RNGTT: variants seen among roughly 807,000 people sequenced by gnomAD.
RNGTT encodes mRNA-capping enzyme.
Under a neutral mutation model 79.3 loss-of-function variants are expected in RNGTT, and 33 were observed. That is an observed-to-expected ratio of 0.42 (90% CI 0.32 to 0.56). The LOEUF (loss-of-function observed/expected upper bound fraction) is 0.56, where lower values mean the gene tolerates loss of function less well. Ranked by LOEUF, RNGTT falls within the 20% of genes least tolerant of loss-of-function variation. RNGTT has a pLI of 0.17. For missense variants in RNGTT, 497 were observed against 739.1 expected (o/e 0.67, Z 3.80); for synonymous variants, 222 against 235.9 (o/e 0.94, Z 0.54).
intron 8 of RNGTT, among the ~76,000 whole-genome samples, chr6:88,863,665 C>A (rs1026374910): frequency 1.3e-5 from 2 of 152,112 alleles, no homozygotes; most frequent in African/African-American, 4.8e-5. Flanking sequence ...CAGAGTTTGG[C>A]AGGGCATGGG....
intron 8 of RNGTT, among the ~76,000 whole-genome samples, chr6:88,886,881 T>C (rs7771497): frequency 0.03 from 4,593 of 152,046 alleles, 221 homozygotes; most frequent in African/African-American, 0.1. Flanking sequence ...TATTCCCTAT[T>C]CTACAATGTT....
chr6:88,638,157 C>T (rs776646072), intron 14 of RNGTT, among the ~76,000 whole-genome samples: 33 of 152,054 alleles, frequency 2.2e-4, no homozygotes, highest in Non-Finnish European at 3.5e-4. Context: ...GCACAAGAGC[C>T]AAAACAAACT....
chr6:88,771,279 T>C (rs1778650274), intron 12 of RNGTT, among the ~76,000 whole-genome samples: 2 of 141,044 alleles, frequency 1.4e-5, no homozygotes, highest in African/African-American at 5.2e-5. Context: ...TTCTATGGTA[T>C]GAAGCACAGG....
At position 88,619,340 on chromosome 6, in the gene RNGTT, A is replaced by AT. The variant is rs575882947; in HGVS notation, c.1507-4946dup. 9.9e-5 allele frequency among the ~76,000 whole-genome samples: 15 copies of AT among 151,636 alleles called. No homozygotes were observed. In the South Asian group the frequency reaches 1.7e-3, roughly 17 times the overall value. On this transcript the variant is annotated intron_variant, in intron 14 of 15. Transcript: ENST00000369485. ...ACTACCACACCTGGCTAATATTGCA[A>AT]TTTTTTTTGTAGAGATGGGGTATCC...
intron 13 of RNGTT, among the ~76,000 whole-genome samples, chr6:88,689,164 A>G (rs1775386704): frequency 1.3e-5 from 2 of 152,170 alleles, no homozygotes; most frequent in South Asian, 4.1e-4. Flanking sequence ...CCAATAGGCC[A>G]GGTGTGGTGG....
intron 8 of RNGTT, among the ~76,000 whole-genome samples, chr6:88,861,283 A>T (rs186701467): frequency 6.6e-6 from 1 of 152,164 alleles, no homozygotes; most frequent in Non-Finnish European, 1.5e-5. Flanking sequence ...GACAGAATAT[A>T]TAAACCTTCC....
chr6:88,797,402 A>T (rs1478600724), intron 12 of RNGTT, among the ~76,000 whole-genome samples: 3 of 152,196 alleles, frequency 2.0e-5, no homozygotes, highest in Non-Finnish European at 4.4e-5. Flanking sequence ...CAGAAAAGAT[A>T]AAGTCAAAAA....
chr6:88,784,767 T>C (rs1265186093), intron 12 of RNGTT, among the ~76,000 whole-genome samples: 1 of 152,176 alleles, frequency 6.6e-6, no homozygotes, highest in Non-Finnish European at 1.5e-5. Flanking sequence ...ATCTTTTTGC[T>C]ATGATTCCAA....
chr6:88,773,368 C>T (rs1027970826), intron 12 of RNGTT, among the ~76,000 whole-genome samples: 3 of 147,252 alleles, frequency 2.0e-5, no homozygotes, highest in African/African-American at 5.0e-5. Context: ...ATACCTAATG[C>T]TAGATGACGA....
intron 13 of RNGTT, among the ~76,000 whole-genome samples, chr6:88,703,599 G>T (rs1293831864): frequency 6.6e-6 from 1 of 152,100 alleles, no homozygotes; most frequent in Non-Finnish European, 1.5e-5. Context: ...TCAGTACCTG[G>T]GTGATGGGAT....
At chr6:88,798,406 A>T (rs542560246) in intron 12 of RNGTT, among the ~76,000 whole-genome samples, 2 of 152,242 alleles carry the variant, frequency 1.3e-5, no homozygotes, top group African/African-American at 4.8e-5. Context: ...TCGAGGCTGC[A>T]GTAAGCCATG....
At position 88,810,189 on chromosome 6, in the gene RNGTT, C is replaced by A. The variant is rs991543158; in HGVS notation, c.1270-8557G>T. On this transcript the variant is annotated intron_variant, in intron 11 of 15. Transcript: ENST00000369485. ...TCATAATCTCAGATATAAAAAATAGCCAGTTGGGCTGAGATAGTGTACACA... is the reference window on the plus strand; with the variant it reads ...TCATAATCTCAGATATAAAAAATAGACAGTTGGGCTGAGATAGTGTACACA... 2.0e-5 allele frequency among the ~76,000 whole-genome samples: 3 copies of A among 152,068 alleles called. No individual in the cohort carries two copies. In the South Asian group the frequency reaches 6.2e-4, roughly 32 times the overall value.
chr6:88,784,662 C>T (rs1779170768), intron 12 of RNGTT, among the ~76,000 whole-genome samples: 1 of 151,988 alleles, frequency 6.6e-6, no homozygotes, highest in Non-Finnish European at 1.5e-5. Context: ...ATTTTCTGAC[C>T]CTACATAGAC....
intron 13 of RNGTT, among the ~76,000 whole-genome samples, chr6:88,763,115 T>G (rs3857491): frequency 7.6e-6 from 1 of 130,840 alleles, no homozygotes; most frequent in Non-Finnish European, 1.7e-5. Context: ...TTTTTTTTTG[T>G]ATTTCTTGTT....
In RNGTT at chr6:88,612,592, A is replaced by T. The variant is rs963902768; in HGVS notation, c.*127T>A. 2.9e-5 allele frequency: 30 copies of T among 1,049,946 alleles called. No homozygotes were observed. Among genetic ancestry groups the T allele is most frequent in the East Asian group, 4.9e-5 (2 of 41,126 alleles). The allele number at this position is 1,049,946 out of a possible 1,614,324, so 65.0% of individuals were successfully genotyped here. A position where few individuals can be genotyped will look rare whatever the true frequency, so the allele number is the denominator to read the frequency against. On this transcript the variant is annotated 3_prime_UTR_variant, in exon 16 of 16. Transcript: ENST00000369485. ...CTGGCTACGATAACTTTCTTTTTTT[A>T]AAAAAAATTCAAATGTGTATCAACA...
At chr6:88,766,505 C>A (rs144001970) in intron 13 of RNGTT, among the ~76,000 whole-genome samples, 3 of 151,904 alleles carry the variant, frequency 2.0e-5, no homozygotes, top group East Asian at 3.9e-4. Flanking sequence ...CTAAGATATA[C>A]AAAAGTTATA....
At chr6:88,707,852 G>T (rs758710087) in intron 13 of RNGTT, among the ~76,000 whole-genome samples, 3 of 151,308 alleles carry the variant, frequency 2.0e-5, no homozygotes, top group Non-Finnish European at 4.4e-5. Flanking sequence ...GCATTCACAC[G>T]ATCTCTAAAG....
rs1772174622 is a variant in RNGTT at position 88,615,244 on chromosome 6, T to G, written c.1507-849A>C. 3.9e-5 allele frequency among the ~76,000 whole-genome samples: 6 copies of G among 152,226 alleles called. No homozygotes were observed. The South Asian group carries it at 1.2e-3, about 32-fold the overall frequency. Reference sequence around the variant, plus strand: ...CTAACAACTTTTCCTCACAATATGGTAGACTGCAATCATTTAACTTCATTA... The same window carrying G: ...CTAACAACTTTTCCTCACAATATGGGAGACTGCAATCATTTAACTTCATTA... On this transcript the variant is annotated intron_variant, in intron 14 of 15. Coordinates refer to ENST00000369485, the MANE Select transcript of RNGTT (RefSeq NM_003800.5).
intron 13 of RNGTT, among the ~76,000 whole-genome samples, chr6:88,694,086 G>A (rs925586311): frequency 6.6e-6 from 1 of 152,118 alleles, no homozygotes; most frequent in Admixed American, 6.6e-5. Context: ...ACACAGTACT[G>A]GAAGTCCTTG....
Sources: allele counts gnomAD v4.1 joint callset (sites outside exome capture counted in the v4.1 genomes callset), GRCh38; gene constraint gnomAD v4.1.1; transcripts MANE v1.5; gene names NCBI Gene and HGNC (gene_info 2026-07-23, HGNC 2026-07-21).